The following PPFIA2 variants were observed in gnomAD, a reference collection of about 807,000 sequenced individuals.
PPFIA2 encodes the protein liprin-alpha-2.
A neutral mutation model predicts 175.5 loss-of-function variants in PPFIA2; 46 were observed. The ratio of observed to expected loss-of-function variants is 0.26; its 90% CI spans 0.21 to 0.34. The LOEUF (loss-of-function observed/expected upper bound fraction) is 0.34, where lower values mean the gene tolerates loss of function less well. Among genes scored for constraint, PPFIA2 ranks in the 10% least tolerant of loss-of-function variants. The pLI is 1.00. For synonymous variants in PPFIA2, 568 were observed against 511.4 expected (o/e 1.11, Z -1.49); for missense variants, 1,179 against 1,506.1 (o/e 0.78, Z 3.60).
chr12:81,483,506 G>T (rs1211477975), intron 4 of PPFIA2, among the ~76,000 whole-genome samples: 1 of 152,086 alleles, frequency 6.6e-6, no homozygotes, highest in Admixed American at 6.6e-5. Context: ...AAAGTAGCCT[G>T]GTAGTTGCCA....
chr12:81,472,290 G>A (rs1043546396), intron 4 of PPFIA2, among the ~76,000 whole-genome samples: 4 of 152,126 alleles, frequency 2.6e-5, no homozygotes, highest in Admixed American at 1.3e-4. Context: ...TGATGAGGAT[G>A]CACAATTTTG....
intron 2 of PPFIA2, among the ~76,000 whole-genome samples, chr12:81,754,451 C>T (rs2153667509): frequency 6.6e-6 from 1 of 152,200 alleles, no homozygotes; most frequent in East Asian, 1.9e-4. Flanking sequence ...CACATTTATC[C>T]CACCTCCCAT....
At chr12:81,610,931 A>G (rs74922420) in intron 4 of PPFIA2, among the ~76,000 whole-genome samples, 2 of 152,152 alleles carry the variant, frequency 1.3e-5, no homozygotes, top group Non-Finnish European at 2.9e-5. Flanking sequence ...GGCTTTGTGC[A>G]GGATTTTTGT....
chr12:81,751,702 A>G (rs2083833056), intron 3 of PPFIA2, among the ~76,000 whole-genome samples: 1 of 152,160 alleles, frequency 6.6e-6, no homozygotes, highest in Non-Finnish European at 1.5e-5. Flanking sequence ...TATATTTAAA[A>G]ATTAAAACTT....
chr12:81,469,283 C>T (rs977496280), intron 4 of PPFIA2, among the ~76,000 whole-genome samples: 5 of 152,124 alleles, frequency 3.3e-5, no homozygotes, highest in African/African-American at 1.2e-4. Flanking sequence ...ATTTACTCGA[C>T]AAAATTTTAT....
At chr12:81,368,600 T>C (rs1030502592) in intron 13 of PPFIA2, 125 bp downstream of exon 13, 7 of 1,007,372 alleles carry the variant, frequency 6.9e-6, no homozygotes, top group Non-Finnish European at 9.9e-6. Context: ...TTTCTAAGAA[T>C]ATACCAGGCA....
chr12:81,705,353 G>C (rs754655184), intron 3 of PPFIA2, among the ~76,000 whole-genome samples: 8 of 150,772 alleles, frequency 5.3e-5, no homozygotes, highest in Non-Finnish European at 7.4e-5. Flanking sequence ...CTACAGAGGA[G>C]GCTGAGGCAG....
chr12:81,574,291 T>C (rs2073103006), intron 4 of PPFIA2, among the ~76,000 whole-genome samples: 2 of 151,890 alleles, frequency 1.3e-5, no homozygotes, highest in African/African-American at 2.4e-5. Context: ...GATAAGATTC[T>C]ATTTAATAGC....
chr12:81,316,611 C>T (rs2052416057), intron 22 of PPFIA2, among the ~76,000 whole-genome samples: 3 of 151,630 alleles, frequency 2.0e-5, no homozygotes, highest in African/African-American at 7.2e-5. Flanking sequence ...TTTTATAAAA[C>T]AGCTACATCT....
At chr12:81,603,488 G>C (rs2059991751) in intron 4 of PPFIA2, among the ~76,000 whole-genome samples, 1 of 151,308 alleles carries the variant, frequency 6.6e-6, no homozygotes, top group African/African-American at 2.4e-5. Flanking sequence ...CATTTGAGGA[G>C]CTTTTATTAT....
chr12:81,535,413 G>GGTACCC, intron 4 of PPFIA2: 1 of 455,264 alleles, frequency 2.2e-6, no homozygotes, highest in Non-Finnish European at 4.4e-6. Flanking sequence ...AAGACAAGAT[G>GGTACCC]GTACCCACCA....
chr12:81,313,675 G>A (rs963313012), intron 22 of PPFIA2, among the ~76,000 whole-genome samples: 3 of 152,006 alleles, frequency 2.0e-5, no homozygotes, highest in African/African-American at 7.2e-5. Context: ...CAACATACCT[G>A]TGAACTCTAC....
intron 4 of PPFIA2, among the ~76,000 whole-genome samples, chr12:81,599,702 G>A (rs2059603117): frequency 6.6e-6 from 1 of 151,882 alleles, no homozygotes; most frequent in Non-Finnish European, 1.5e-5. Flanking sequence ...ACATTAATGT[G>A]CTCTTTGTAT....
intron 8 of PPFIA2, among the ~76,000 whole-genome samples, chr12:81,395,052 T>C (rs1235606788): frequency 6.6e-6 from 1 of 151,992 alleles, no homozygotes; most frequent in Admixed American, 6.6e-5. Context: ...AAGAGAAAAG[T>C]AAATCCTCCC....
intron 4 of PPFIA2, among the ~76,000 whole-genome samples, chr12:81,517,275 AAAGCT>A (rs2062579254): frequency 6.6e-6 from 1 of 152,080 alleles, no homozygotes; most frequent in Non-Finnish European, 1.5e-5. Context: ...AACTAATCCT[AAAGCT>A]ACCCGGCAGA....
intron 4 of PPFIA2, among the ~76,000 whole-genome samples, chr12:81,574,778 G>A (rs936498621): frequency 6.6e-6 from 1 of 151,290 alleles, no homozygotes; most frequent in South Asian, 2.1e-4. Context: ...TAGAAACAAA[G>A]TCCTAATTTA....
chr12:81,412,066 C>A (rs2044064099), intron 7 of PPFIA2, among the ~76,000 whole-genome samples: 1 of 151,418 alleles, frequency 6.6e-6, no homozygotes, highest in Non-Finnish European at 1.5e-5. Flanking sequence ...AAATGTCCTC[C>A]CTAAAAGAGA....
chr12:81,650,199 C>T (rs529694867), intron 4 of PPFIA2, among the ~76,000 whole-genome samples: 1 of 151,918 alleles, frequency 6.6e-6, no homozygotes, highest in African/African-American at 2.4e-5. Flanking sequence ...TTAGTAGAGA[C>T]GGGGCTTCAC....
chr12:81,374,346 G>A (rs935064771), intron 11 of PPFIA2, among the ~76,000 whole-genome samples: 1 of 151,890 alleles, frequency 6.6e-6, no homozygotes, highest in African/African-American at 2.4e-5. Context: ...TTATCTCCAG[G>A]ATTATTATAC....
Sources: allele counts gnomAD v4.1 joint callset (sites outside exome capture counted in the v4.1 genomes callset), GRCh38; gene constraint gnomAD v4.1.1; transcripts MANE v1.5; gene names NCBI Gene and HGNC (gene_info 2026-07-23, HGNC 2026-07-21).